Variants in TTLL11 observed in about 807,000 individuals in gnomAD.
TTLL11 encodes tubulin tyrosine ligase like 11, also known as tubulin polyglutamylase TTLL11.
TTLL11 carries 42 observed loss-of-function variants against 51.7 expected under a neutral mutation model. That is an observed-to-expected ratio of 0.81 (90% CI 0.64 to 1.05). The LOEUF (loss-of-function observed/expected upper bound fraction) is 1.05, where lower values mean the gene tolerates loss of function less well. Ranked by LOEUF, TTLL11 falls within the 50% of genes least tolerant of loss-of-function variation. The pLI is 0.00. For missense variants in TTLL11, 799 were observed against 940.4 expected, an observed-to-expected ratio of 0.85 and a Z score of 1.97; for synonymous variants, 381 against 383.5, an observed-to-expected ratio of 0.99 and a Z score of 0.08.
chr9:121,830,021 G>A (rs1836952103), intron 8 of TTLL11, among the ~76,000 whole-genome samples: 1 of 152,184 alleles, frequency 6.6e-6, no homozygotes, highest in Non-Finnish European at 1.5e-5. Flanking sequence ...CCATGTCCCT[G>A]TCTTCTCTAC....
At chr9:121,881,691 T>C (rs1353255315) in intron 6 of TTLL11, among the ~76,000 whole-genome samples, 2 of 152,252 alleles carry the variant, frequency 1.3e-5, no homozygotes, top group African/African-American at 4.8e-5. Flanking sequence ...GTATGGGATT[T>C]GCACTGATGC....
chr9:122,066,593 T>C (rs1217278751), intron 1 of TTLL11, among the ~76,000 whole-genome samples: 1 of 152,150 alleles, frequency 6.6e-6, no homozygotes, highest in Non-Finnish European at 1.5e-5. Context: ...ATAACAGACA[T>C]GACTCCCTTT....
intron 8 of TTLL11, among the ~76,000 whole-genome samples, chr9:121,843,872 CTG>C (rs1392106017): frequency 6.6e-6 from 1 of 152,074 alleles, no homozygotes; most frequent in Non-Finnish European, 1.5e-5. Flanking sequence ...AGGTGTCTCA[CTG>C]TGCGGCGTAA....
chr9:121,840,270 T>C (rs1443506749), intron 8 of TTLL11, among the ~76,000 whole-genome samples: 3 of 152,132 alleles, frequency 2.0e-5, no homozygotes, highest in Admixed American at 6.5e-5. Flanking sequence ...ATCTATTACC[T>C]CCCCAACTTG....
At chr9:121,999,354 C>A (rs1387359402) in intron 3 of TTLL11, among the ~76,000 whole-genome samples, 1 of 152,154 alleles carries the variant, frequency 6.6e-6, no homozygotes, top group Non-Finnish European at 1.5e-5. Flanking sequence ...TCAAATATGA[C>A]ACGTCCAAAA....
intron 8 of TTLL11, among the ~76,000 whole-genome samples, chr9:121,854,537 G>A (rs1837757326): frequency 6.6e-6 from 1 of 152,202 alleles, no homozygotes; most frequent in Non-Finnish European, 1.5e-5. Flanking sequence ...GAAGCCCCCA[G>A]ATGTTGGTCT....
At chr9:121,899,382 T>C (rs376139572) in intron 6 of TTLL11, among the ~76,000 whole-genome samples, 25,292 of 112,570 alleles carry the variant, frequency 0.22, 2,422 homozygotes, top group Admixed American at 0.26. Flanking sequence ...TATATACATA[T>C]ATATATATAT....
chr9:122,028,819 T>C (rs867913809), intron 3 of TTLL11, among the ~76,000 whole-genome samples: 1 of 152,134 alleles, frequency 6.6e-6, no homozygotes, highest in Non-Finnish European at 1.5e-5. Context: ...TAATACAGAA[T>C]ATACTCTCTG....
At chr9:122,022,771 A>G (rs1206165673) in intron 3 of TTLL11, among the ~76,000 whole-genome samples, 1 of 152,056 alleles carries the variant, frequency 6.6e-6, no homozygotes, top group Admixed American at 6.5e-5. Flanking sequence ...TCTCTTTAAA[A>G]TAGAGTTGAT....
At chr9:121,904,533 C>T (rs537717645) in intron 6 of TTLL11, among the ~76,000 whole-genome samples, 6 of 152,328 alleles carry the variant, frequency 3.9e-5, no homozygotes, top group Admixed American at 2.0e-4. Context: ...GCGGATTCAG[C>T]CCTGTTGGAG....
chr9:122,067,628 G>A lies in TTLL11; in HGVS notation c.462+25059C>T, dbSNP rs576176403. ...CCAGGATCTTCTGCCTCAGTCTCCC[G>A]GGTAGCTGGGACTACAGGCGCCCAC... On this transcript the variant is annotated intron_variant, in intron 1 of 8. Transcript: ENST00000321582. 1.1e-3 allele frequency among the ~76,000 whole-genome samples: 173 copies of A among 152,206 alleles called. 3 individuals carry two copies. The highest frequency in any genetic ancestry group is 3.7e-4 in the Non-Finnish European group (25 of 67,998).
At chr9:121,837,837 C>T (rs1837223395) in intron 8 of TTLL11, among the ~76,000 whole-genome samples, 1 of 152,198 alleles carries the variant, frequency 6.6e-6, no homozygotes, top group African/African-American at 2.4e-5. Context: ...CCCATGTCAG[C>T]TCTGAGCTCC....
intron 6 of TTLL11, among the ~76,000 whole-genome samples, chr9:121,897,036 C>A (rs921260075): frequency 3.3e-4 from 50 of 152,118 alleles, no homozygotes; most frequent in African/African-American, 1.2e-3. Flanking sequence ...ACCTAACAGT[C>A]TAGCAGTCAA....
intron 6 of TTLL11, among the ~76,000 whole-genome samples, chr9:121,871,837 C>T (rs1838369512): frequency 6.6e-6 from 1 of 152,232 alleles, no homozygotes; most frequent in South Asian, 2.1e-4. Context: ...GAACCGGAGA[C>T]TCCATGCTCC....
At position 121,917,700 on chromosome 9, in the gene TTLL11, GAAGA is replaced by G. The variant is rs552967599; in HGVS notation, c.1482-46956_1482-46953del. Among the ~76,000 whole-genome samples, 806 of 151,492 alleles carry G rather than the reference GAAGA, an allele frequency of 5.3e-3. 8 individuals carry two copies. Among genetic ancestry groups the G allele is most frequent in the African/African-American group, 0.017 (710 of 41,284 alleles). ...GAAGTGAAGAAAGGAAGGAAGGAAA[GAAGA>G]AAGAAAGAAAGAAAGAGAAAAGCAA... On this transcript the variant is annotated intron_variant, in intron 6 of 8. Transcript: ENST00000321582.
intron 1 of TTLL11, among the ~76,000 whole-genome samples, chr9:122,039,800 C>T (rs1382073815): frequency 6.6e-6 from 1 of 152,098 alleles, no homozygotes; most frequent in Non-Finnish European, 1.5e-5. Flanking sequence ...ATCCCTTCCT[C>T]TGAAAATTAC....
chr9:122,030,776 C>CAAAAAAAAAAAAA (rs35456581), intron 3 of TTLL11, among the ~76,000 whole-genome samples: 1 of 69,334 alleles, frequency 1.4e-5, no homozygotes, highest in African/African-American at 5.1e-5. Flanking sequence ...ACAAAAAATA[C>CAAAAAAAAAAAAA]AAAAAAAAAA....
At chr9:121,836,769 T>A (rs962563191) in intron 8 of TTLL11, among the ~76,000 whole-genome samples, 2 of 152,226 alleles carry the variant, frequency 1.3e-5, no homozygotes, top group Non-Finnish European at 2.9e-5. Flanking sequence ...AAGAAGCAAG[T>A]CATTGCCTGG....
intron 7 of TTLL11, among the ~76,000 whole-genome samples, chr9:121,865,401 A>G (rs1485487884): frequency 1.3e-5 from 2 of 152,226 alleles, no homozygotes; most frequent in Non-Finnish European, 2.9e-5. Context: ...CCTCACATGA[A>G]GCAAATGCTC....
Sources: allele counts gnomAD v4.1 joint callset (sites outside exome capture counted in the v4.1 genomes callset), GRCh38; gene constraint gnomAD v4.1.1; transcripts MANE v1.5; gene names NCBI Gene and HGNC (gene_info 2026-07-23, HGNC 2026-07-21).